NF1: variants seen among roughly 807,000 people sequenced by gnomAD.
NF1 encodes the protein neurofibromin.
Under a neutral mutation model 325.7 loss-of-function variants are expected in NF1, and 122 were observed. That is an observed-to-expected ratio of 0.37 (90% CI 0.32 to 0.44). NF1 has a LOEUF of 0.44. Ranked by LOEUF, NF1 falls within the 20% of genes least tolerant of loss-of-function variation. The pLI is 1.00. For missense variants in NF1, 2,140 were observed against 3,415.4 expected, an observed-to-expected ratio of 0.63 and a Z score of 9.31; for synonymous variants, 1,091 against 1,186.0, an observed-to-expected ratio of 0.92 and a Z score of 1.65.
chr17:31,152,057 G>A lies in NF1; in HGVS notation c.61-3926G>A, dbSNP rs145718246. 4.7e-3 allele frequency among the ~76,000 whole-genome samples: 707 copies of A among 149,496 alleles called. 7 individuals carry two copies. Among genetic ancestry groups the A allele is most frequent in the African/African-American group, 0.016 (673 of 40,928 alleles). On this transcript the variant is annotated intron_variant, in intron 1 of 57. Transcript: ENST00000358273. ...CTCCCCCTACCCCACGACAGGCCCC[G>A]GTGTGTGATGTTCCCCTTCCTGTGT...
intron 36 of NF1, among the ~76,000 whole-genome samples, chr17:31,284,675 C>T (rs886347056): frequency 1.3e-5 from 2 of 152,064 alleles, no homozygotes; most frequent in East Asian, 1.9e-4. Flanking sequence ...CCACCCACCT[C>T]GGCATCCCAA....
intron 36 of NF1, among the ~76,000 whole-genome samples, chr17:31,308,149 T>TC (rs1218144744): frequency 6.6e-6 from 1 of 152,100 alleles, no homozygotes; most frequent in Non-Finnish European, 1.5e-5. Context: ...CTTTTTCTTT[T>TC]TTTTTTTGGA....
intron 12 of NF1, 55 bp downstream of exon 12, chr17:31,206,426 GTGTCTTTATCCTAT>G (rs2066624950): frequency 3.1e-6 from 5 of 1,604,174 alleles, no homozygotes; most frequent in Non-Finnish European, 4.3e-6. Context: ...ATTTTTTTTA[GTGTCTTTATCCTAT>G]TCCTGCTGCT....
chr17:31,224,976 T>G, intron 16 of NF1, 119 bp from the exon 17 acceptor site: 1 of 1,001,810 alleles, frequency 1.0e-6, no homozygotes, highest in South Asian at 1.3e-5. Context: ...AGTTGGGGCA[T>G]AGAGATTGAG....
chr17:31,224,416 C>T (rs375883249), intron 16 of NF1, among the ~76,000 whole-genome samples: 1 of 152,098 alleles, frequency 6.6e-6, no homozygotes, highest in South Asian at 2.1e-4. Context: ...TCAGTATTTA[C>T]AGCTTGTTAT....
intron 36 of NF1, among the ~76,000 whole-genome samples, chr17:31,317,123 T>G (rs2151524482): frequency 6.6e-6 from 1 of 152,244 alleles, no homozygotes; most frequent in African/African-American, 2.4e-5. Context: ...AAAAAATATT[T>G]TTAAAATGGT....
At chr17:31,116,135 G>C (rs557674145) in intron 1 of NF1, among the ~76,000 whole-genome samples, 1 of 152,098 alleles carries the variant, frequency 6.6e-6, no homozygotes, top group Non-Finnish European at 1.5e-5. Flanking sequence ...AAATCTACCA[G>C]ATAGAAATCC....
At chr17:31,208,907 CAAA>C (rs1180976715) in intron 12 of NF1, among the ~76,000 whole-genome samples, 1 of 151,806 alleles carries the variant, frequency 6.6e-6, no homozygotes, top group African/African-American at 2.4e-5. Flanking sequence ...AAAAATCAAA[CAAA>C]AAAACTCACT....
intron 36 of NF1, among the ~76,000 whole-genome samples, chr17:31,323,156 G>A (rs1000930613): frequency 3.3e-5 from 5 of 152,072 alleles, no homozygotes; most frequent in East Asian, 1.9e-4. Flanking sequence ...CAGCACTTTG[G>A]GAGGCTGAGG....
At chr17:31,373,792 G>A (rs979516946) in intron 57 of NF1, among the ~76,000 whole-genome samples, 3 of 152,182 alleles carry the variant, frequency 2.0e-5, no homozygotes, top group Non-Finnish European at 4.4e-5. Context: ...TGCTGTACAG[G>A]TTTGTTGCCT....
chr17:31,339,707 T>C (rs1291270516), intron 46 of NF1, among the ~76,000 whole-genome samples: 2 of 152,240 alleles, frequency 1.3e-5, no homozygotes, highest in South Asian at 2.1e-4. Context: ...TATTTGACTC[T>C]AAAGTCCATG....
chr17:31,280,584 C>A (rs2068099581), intron 36 of NF1, among the ~76,000 whole-genome samples: 1 of 148,808 alleles, frequency 6.7e-6, no homozygotes, highest in East Asian at 2.0e-4. Flanking sequence ...AAATAGGTCA[C>A]AAGCAGGCTG....
At chr17:31,275,190 A>G (rs953855905) in intron 36 of NF1, among the ~76,000 whole-genome samples, 1 of 152,236 alleles carries the variant, frequency 6.6e-6, no homozygotes, top group Non-Finnish European at 1.5e-5. Context: ...GTGTAATAAT[A>G]GCCCCCTCTT....
At chr17:31,248,148 A>T (rs1289847575) in intron 29 of NF1, among the ~76,000 whole-genome samples, 2 of 151,846 alleles carry the variant, frequency 1.3e-5, no homozygotes, top group East Asian at 3.9e-4. Context: ...GTTGCAGTGA[A>T]CTGAGATTGC....
chr17:31,159,422 T>A (rs2143648959), intron 3 of NF1, among the ~76,000 whole-genome samples: 1 of 152,144 alleles, frequency 6.6e-6, no homozygotes, highest in Non-Finnish European at 1.5e-5. Flanking sequence ...TGTGGGAGAG[T>A]GCGATTCAGA....
Position 31,358,582 on chromosome 17 carries a change from T to G in NF1, c.8073T>G (p.His2691Gln), listed in dbSNP as rs375468032. ...GAATTGTGCAGAGTGTGGTGTACCA[T>G]GAAGAATCCCCACCACAATACCAAA... ...IHGIVQSVVY[H>Q]EESPPQYQTS... Residue 2691 changes from histidine (H) to glutamine (Q), a missense_variant, in exon 55 of 58, where the codon CAT (histidine) becomes CAG (glutamine). By Grantham distance (24) the His-to-Gln change is conservative (BLOSUM62 0). Around this residue, in one of 10 missense-constraint regions of NF1, gnomAD observed 522 missense variants for 749.0 expected, o/e 0.70. Coordinates refer to ENST00000358273, the MANE Select transcript of NF1 (RefSeq NM_001042492.3). 1.6e-5 allele frequency: 26 copies of G among 1,613,934 alleles called. No homozygotes were observed. Among genetic ancestry groups the G allele is most frequent in the Non-Finnish European group, 2.1e-5 (25 of 1,179,940 alleles).
At chr17:31,233,922 C>CA (rs571852207) in intron 27 of NF1, among the ~76,000 whole-genome samples, 355 of 152,282 alleles carry the variant, frequency 2.3e-3, no homozygotes, top group South Asian at 3.7e-3. Flanking sequence ...CCCTGTCCTA[C>CA]AAGGCTCTAC....
intron 51 of NF1, among the ~76,000 whole-genome samples, chr17:31,355,313 T>C (rs185958644): frequency 1.2e-3 from 181 of 152,330 alleles, no homozygotes; most frequent in African/African-American, 4.1e-3. Flanking sequence ...CATCTGGTCA[T>C]TGTCTAGATC....
intron 48 of NF1, chr17:31,345,833 A>G (rs2069962542): frequency 8.7e-6 from 14 of 1,613,920 alleles, no homozygotes; most frequent in Admixed American, 1.7e-5. Flanking sequence ...AAATCTGTGA[A>G]GTGGATCTAG....
Sources: allele counts gnomAD v4.1 joint callset (sites outside exome capture counted in the v4.1 genomes callset), GRCh38; gene constraint gnomAD v4.1.1; regional missense constraint gnomAD v4.1.1; transcripts MANE v1.5; gene names NCBI Gene and HGNC (gene_info 2026-07-23, HGNC 2026-07-21).